APBA2: variants seen among roughly 807,000 people sequenced by gnomAD.
The protein encoded by APBA2 is amyloid-beta A4 precursor protein-binding family A member 2.
A neutral mutation model predicts 75.0 loss-of-function variants in APBA2; 30 were observed. That is an observed-to-expected ratio of 0.40 (90% CI 0.30 to 0.54). The LOEUF (loss-of-function observed/expected upper bound fraction) is 0.54, where lower values mean the gene tolerates loss of function less well. Among genes scored for constraint, APBA2 ranks in the 20% least tolerant of loss-of-function variants. APBA2 has a pLI of 0.49. For synonymous variants in APBA2, 444 were observed against 409.6 expected (o/e 1.08, Z -1.01); for missense variants, 801 against 1,016.1 (o/e 0.79, Z 2.88).
chr15:28,983,487 T>G (rs1382796197), intron 2 of APBA2, among the ~76,000 whole-genome samples: 1 of 152,222 alleles, frequency 6.6e-6, no homozygotes, highest in African/African-American at 2.4e-5. Flanking sequence ...CATTATTTTC[T>G]AGAGTCTCTC....
chr15:29,054,560 A>G lies in APBA2; in HGVS notation c.676A>G (p.Ile226Val). Residue 226 changes from isoleucine (I) to valine (V), a missense_variant, in exon 4 of 15, where the codon ATT becomes GTT. This residue lies in a region of APBA2 where 434 missense variants were observed against 471.6 expected (regional missense o/e 0.92). Transcript: ENST00000683413. The surrounding 1 kb of genome is among the most constrained non-coding windows in gnomAD (Gnocchi z 6.1). ...GGACCTGGAGGACCAGGAGGAGGAC[A>G]TTGACCAGATCGTGGCAGAGATCAA... ...DGDLEDQEED[I>V]DQIVAEIKMS... The G allele has an allele frequency of 3.1e-6, 5 of 1,613,810 alleles. No homozygotes were observed. Among genetic ancestry groups the G allele is most frequent in the Non-Finnish European group, 4.2e-6 (5 of 1,179,888 alleles).
At chr15:29,033,964 C>CAAAAAAAAAAAAAAAAAA in intron 3 of APBA2, among the ~76,000 whole-genome samples, 1 of 39,556 alleles carries the variant, frequency 2.5e-5, no homozygotes, top group Non-Finnish European at 5.1e-5. Flanking sequence ...GACTCCATCT[C>CAAAAAAAAAAAAAAAAAA]AAAAAAAAAA....
chr15:28,914,209 TC>T (rs2033563359), intron 1 of APBA2, among the ~76,000 whole-genome samples: 1 of 152,070 alleles, frequency 6.6e-6, no homozygotes, highest in Non-Finnish European at 1.5e-5. Flanking sequence ...GTGGTCAGGC[TC>T]CCCCTGCTCA....
At chr15:29,025,385 C>T (rs1392083428) in intron 3 of APBA2, among the ~76,000 whole-genome samples, 2 of 151,864 alleles carry the variant, frequency 1.3e-5, no homozygotes, top group African/African-American at 2.4e-5. Context: ...CCTGTCTCAG[C>T]CTCCTGAGCA....
At chr15:28,999,307 A>G (rs2038719791) in intron 3 of APBA2, among the ~76,000 whole-genome samples, 1 of 152,214 alleles carries the variant, frequency 6.6e-6, no homozygotes. Context: ...TAAGAGAACT[A>G]CAGGCTGGAA....
At chr15:29,048,182 A>G (rs1197530802) in intron 3 of APBA2, among the ~76,000 whole-genome samples, 1 of 152,176 alleles carries the variant, frequency 6.6e-6, no homozygotes, top group Non-Finnish European at 1.5e-5. Flanking sequence ...CTTCATCTCT[A>G]CAAAAAATAC....
intron 3 of APBA2, among the ~76,000 whole-genome samples, chr15:29,016,557 G>C (rs572460760): frequency 6.6e-6 from 1 of 152,274 alleles, no homozygotes; most frequent in East Asian, 1.9e-4. Context: ...TGCTGCACAC[G>C]TGCAGGCCTG....
intron 6 of APBA2, among the ~76,000 whole-genome samples, chr15:29,091,167 C>T (rs541390068): frequency 3.3e-5 from 5 of 152,256 alleles, no homozygotes; most frequent in Admixed American, 2.6e-4. Flanking sequence ...TGCAGCCCTG[C>T]CCAGCTGGGA....
In APBA2 at chr15:29,117,899, C is replaced by G. The variant is rs1023312804; in HGVS notation, c.*766C>G. The G allele has an allele frequency of 7.2e-6, 1 of 138,336 alleles. No individual in the cohort carries two copies. The highest frequency in any genetic ancestry group is 1.6e-5 in the Non-Finnish European group (1 of 61,926). 8.6% of individuals were successfully genotyped at this position (138,336 alleles called of 1,614,324 possible). ...GGCTCCCACAGAGACAAGGAGGGCA[C>G]AGGTGTCTGCCCCCTCTTTAAAATC... On this transcript the variant is annotated 3_prime_UTR_variant, in exon 15 of 15. Coordinates refer to ENST00000683413, the MANE Select transcript of APBA2 (RefSeq NM_001353788.2).
At chr15:29,113,229 C>G (rs2044837562) in intron 13 of APBA2, among the ~76,000 whole-genome samples, 1 of 152,110 alleles carries the variant, frequency 6.6e-6, no homozygotes, top group African/African-American at 2.4e-5. Flanking sequence ...TGTTTGGCGT[C>G]ACTTTTAGGC....
intron 6 of APBA2, among the ~76,000 whole-genome samples, chr15:29,079,611 C>A (rs895611001): frequency 6.6e-6 from 1 of 152,112 alleles, no homozygotes; most frequent in Non-Finnish European, 1.5e-5. Flanking sequence ...CCGCCACTTC[C>A]CATCCCACTG....
chr15:29,000,033 G>C (rs2038760204), intron 3 of APBA2, among the ~76,000 whole-genome samples: 1 of 152,292 alleles, frequency 6.6e-6, no homozygotes, highest in African/African-American at 2.4e-5. Context: ...GTTCTATGCA[G>C]GTCCTCACTG....
At chr15:29,103,640 C>T (rs1004989374) in intron 10 of APBA2, among the ~76,000 whole-genome samples, 4 of 152,152 alleles carry the variant, frequency 2.6e-5, no homozygotes, top group African/African-American at 9.6e-5. Context: ...GGAGCTTCCG[C>T]GGGGGCGGAG....
At chr15:29,112,607 CCT>C (rs2044797156) in intron 13 of APBA2, among the ~76,000 whole-genome samples, 1 of 152,086 alleles carries the variant, frequency 6.6e-6, no homozygotes, top group South Asian at 2.1e-4. Flanking sequence ...ATGGAATCTG[CCT>C]CTCTCCACCC....
At chr15:28,934,782 G>A (rs1003581991) in intron 2 of APBA2, among the ~76,000 whole-genome samples, 5 of 152,232 alleles carry the variant, frequency 3.3e-5, no homozygotes, top group Admixed American at 2.0e-4. Context: ...ACAGAGATGG[G>A]CTATGGCCCA....
chr15:28,925,044 G>A (rs897519633), intron 2 of APBA2, among the ~76,000 whole-genome samples: 1 of 152,084 alleles, frequency 6.6e-6, no homozygotes, highest in African/African-American at 2.4e-5. Context: ...TCAAGCTGAA[G>A]ATGGTCTCTG....
chr15:29,039,153 G>GTGTGTGTGTGTA (rs2040904060), intron 3 of APBA2, among the ~76,000 whole-genome samples: 1 of 136,794 alleles, frequency 7.3e-6, no homozygotes, highest in Non-Finnish European at 1.5e-5. Context: ...GTGTGTGTGT[G>GTGTGTGTGTGTA]TGTATCAGGG....
chr15:29,051,510 G>A (rs2041593509), intron 3 of APBA2, among the ~76,000 whole-genome samples: 1 of 152,304 alleles, frequency 6.6e-6, no homozygotes, highest in Non-Finnish European at 1.5e-5. Flanking sequence ...AGTGTCCTTG[G>A]AGTGAATTCA....
At chr15:29,108,522 G>A (rs1314028981) in intron 13 of APBA2, 133 bp downstream of exon 13, 26 of 1,434,214 alleles carry the variant, frequency 1.8e-5, no homozygotes, top group Non-Finnish European at 2.5e-5. Context: ...GCTGCCCACA[G>A]CCAGGCCACC....
Sources: allele counts gnomAD v4.1 joint callset (sites outside exome capture counted in the v4.1 genomes callset), GRCh38; gene constraint gnomAD v4.1.1; regional missense constraint gnomAD v4.1.1; non-coding constraint Gnocchi (gnomAD v3.1); transcripts MANE v1.5; gene names NCBI Gene and HGNC (gene_info 2026-07-23, HGNC 2026-07-21).